The following CADM2 variants were observed in gnomAD, a reference collection of about 807,000 sequenced individuals.
CADM2 encodes the protein cell adhesion molecule 2, also known as immunoglobulin superfamily member 4D.
A neutral mutation model predicts 49.8 loss-of-function variants in CADM2; 12 were observed. That is an observed-to-expected ratio of 0.24 (90% CI 0.15 to 0.39). The LOEUF is 0.39. CADM2 is among the 10% of genes least tolerant of loss of function. The probability of loss-of-function intolerance (pLI) is 1.00; values close to 1 mark genes in which losing one functional copy is unlikely to be tolerated. For synonymous variants in CADM2, 214 were observed against 175.4 expected (o/e 1.22, Z -1.74); for missense variants, 378 against 492.3 (o/e 0.77, Z 2.20).
chr3:85,567,574 A>AT (rs954653454), intron 1 of CADM2, among the ~76,000 whole-genome samples: 34 of 151,626 alleles, frequency 2.2e-4, no homozygotes, highest in African/African-American at 4.1e-4. Flanking sequence ...TATTGTGCAG[A>AT]TTTTTTTTTA....
chr3:85,006,804 A>T (rs1281263000), intron 1 of CADM2, among the ~76,000 whole-genome samples: 1 of 152,148 alleles, frequency 6.6e-6, no homozygotes, highest in East Asian at 1.9e-4. Context: ...AAGATAAAAT[A>T]TAAAAAAAAT....
chr3:85,991,692 CATT>C (rs1183615609), intron 8 of CADM2, among the ~76,000 whole-genome samples: 1 of 152,022 alleles, frequency 6.6e-6, no homozygotes, highest in Non-Finnish European at 1.5e-5. Context: ...AATTTTCAGT[CATT>C]ATCATAATAT....
chr3:85,075,292 C>G (rs1036088915), intron 1 of CADM2, among the ~76,000 whole-genome samples: 1 of 151,212 alleles, frequency 6.6e-6, no homozygotes, highest in African/African-American at 2.4e-5. Context: ...TTTAGCAAAG[C>G]CTGGAAATGA....
At chr3:85,789,307 C>T (rs2071189024) in intron 2 of CADM2, among the ~76,000 whole-genome samples, 1 of 152,090 alleles carries the variant, frequency 6.6e-6, no homozygotes, top group Non-Finnish European at 1.5e-5. Context: ...AAGGCTGCCT[C>T]TCAAATGTTC....
chr3:85,295,169 A>C (rs1300373965), intron 1 of CADM2, among the ~76,000 whole-genome samples: 1 of 152,188 alleles, frequency 6.6e-6, no homozygotes, highest in Non-Finnish European at 1.5e-5. Context: ...CCATTTATGC[A>C]GCCAAAAAAC....
intron 1 of CADM2, among the ~76,000 whole-genome samples, chr3:85,560,481 A>G (rs895690982): frequency 1.3e-5 from 2 of 152,252 alleles, no homozygotes; most frequent in African/African-American, 2.4e-5. Flanking sequence ...TTATATGACT[A>G]CTGCCAAATG....
intron 1 of CADM2, among the ~76,000 whole-genome samples, chr3:85,599,632 A>G (rs1310274677): frequency 1.3e-5 from 2 of 151,904 alleles, no homozygotes; most frequent in Non-Finnish European, 2.9e-5. Context: ...ACCCACAATT[A>G]TTTTCTGTTA....
At chr3:85,492,463 G>A (rs1434033564) in intron 1 of CADM2, among the ~76,000 whole-genome samples, 2 of 151,888 alleles carry the variant, frequency 1.3e-5, no homozygotes, top group Admixed American at 6.6e-5. Context: ...ATGATAGTGC[G>A]TGCCTGTAGT....
At chr3:85,618,311 A>G (rs1432025069) in intron 1 of CADM2, among the ~76,000 whole-genome samples, 2 of 152,118 alleles carry the variant, frequency 1.3e-5, no homozygotes, top group African/African-American at 4.8e-5. Flanking sequence ...GAATAAGATG[A>G]CATGGAACAG....
At chr3:85,674,090 G>A (rs750763649) in intron 1 of CADM2, among the ~76,000 whole-genome samples, 12 of 152,054 alleles carry the variant, frequency 7.9e-5, no homozygotes, top group Admixed American at 1.3e-4. Context: ...AGCAGTCAAC[G>A]AAACCACAAT....
intron 1 of CADM2, among the ~76,000 whole-genome samples, chr3:85,603,224 C>T (rs2063459553): frequency 6.6e-6 from 1 of 151,920 alleles, no homozygotes; most frequent in African/African-American, 2.4e-5. Flanking sequence ...GAATCTCCTA[C>T]TTTGACTGAA....
chr3:85,094,816 A>T (rs530987776), intron 1 of CADM2, among the ~76,000 whole-genome samples: 1 of 152,202 alleles, frequency 6.6e-6, no homozygotes, highest in Non-Finnish European at 1.5e-5. Context: ...AAGCCATATT[A>T]ACTAATTTAT....
chr3:85,941,934 T>C lies in CADM2; in HGVS notation c.791+6077T>C, dbSNP rs975359532. 2.6e-5 allele frequency among the ~76,000 whole-genome samples: 4 copies of C among 152,114 alleles called. No homozygotes were observed. The East Asian group carries it at 5.8e-4, about 22-fold the overall frequency. The stretch of plus-strand genomic sequence containing the variant: ...AATTTAAATCACACAACTATTACAT[T>C]GTAAAAGGTTTACAAAGACTGCTGT... On this transcript the variant is annotated intron_variant, in intron 7 of 9. Transcript: ENST00000383699.
At chr3:85,763,891 T>A (rs967219937) in intron 2 of CADM2, among the ~76,000 whole-genome samples, 4 of 152,094 alleles carry the variant, frequency 2.6e-5, no homozygotes, top group African/African-American at 9.7e-5. Flanking sequence ...TCTTACCACA[T>A]CCCTTTTTAC....
intron 1 of CADM2, among the ~76,000 whole-genome samples, chr3:85,589,105 G>GT (rs1244760762): frequency 1.3e-5 from 2 of 151,972 alleles, no homozygotes; most frequent in African/African-American, 2.4e-5. Flanking sequence ...TTTGATAAAG[G>GT]GAGTGGTGAG....
intron 1 of CADM2, among the ~76,000 whole-genome samples, chr3:85,651,854 G>T (rs1280178958): frequency 2.7e-5 from 4 of 146,524 alleles, no homozygotes; most frequent in Non-Finnish European, 6.0e-5. Context: ...GTCACGCTCT[G>T]TCACCCAGAC....
chr3:85,541,055 G>T (rs2107034035), intron 1 of CADM2, among the ~76,000 whole-genome samples: 1 of 151,802 alleles, frequency 6.6e-6, no homozygotes, highest in Admixed American at 6.6e-5. Context: ...TAAATTTGGA[G>T]GTGAGGGGTA....
chr3:85,966,218 A>G (rs558269873), intron 8 of CADM2, among the ~76,000 whole-genome samples: 1 of 151,832 alleles, frequency 6.6e-6, no homozygotes, highest in East Asian at 2.0e-4. Flanking sequence ...TTCTGCCAAT[A>G]GCTATACTAT....
At chr3:85,524,601 C>T (rs536124503) in intron 1 of CADM2, among the ~76,000 whole-genome samples, 1 of 152,122 alleles carries the variant, frequency 6.6e-6, no homozygotes, top group Non-Finnish European at 1.5e-5. Context: ...AATGTATAAT[C>T]TACTGCTGTT....
Sources: allele counts gnomAD v4.1 joint callset (sites outside exome capture counted in the v4.1 genomes callset), GRCh38; gene constraint gnomAD v4.1.1; transcripts MANE v1.5; gene names NCBI Gene and HGNC (gene_info 2026-07-23, HGNC 2026-07-21).